Variants in CCDC149 observed in about 807,000 individuals in gnomAD.
CCDC149 encodes the protein coiled-coil domain containing 149.
In CCDC149, 45 loss-of-function variants were observed where a neutral mutation model predicts 59.9. The observed-to-expected ratio is 0.75, with a 90% CI of 0.59 to 0.96. The LOEUF is 0.96. CCDC149 is among the 40% of genes least tolerant of loss of function. The pLI is 0.00. For missense variants in CCDC149, 584 were observed against 664.7 expected (o/e 0.88, Z 1.33); for synonymous variants, 245 against 260.6 (o/e 0.94, Z 0.58).
chr4:24,874,563 CAG>C (rs141431782), intron 2 of CCDC149, among the ~76,000 whole-genome samples: 314 of 152,204 alleles, frequency 2.1e-3, no homozygotes, highest in African/African-American at 7.4e-3. Flanking sequence ...GCCTGGGCAA[CAG>C]AGTGAGACTC....
intron 1 of CCDC149, among the ~76,000 whole-genome samples, chr4:24,952,401 G>A (rs930642328): frequency 1.3e-5 from 2 of 151,426 alleles, no homozygotes; most frequent in Non-Finnish European, 1.5e-5. Context: ...AGACCAGTCT[G>A]GCCAACATGG....
intron 3 of CCDC149, among the ~76,000 whole-genome samples, chr4:24,870,314 T>C (rs145341131): frequency 7.0e-4 from 107 of 152,356 alleles, no homozygotes; most frequent in African/African-American, 2.4e-3. Context: ...AATGAGTACA[T>C]GACAACTTCA....
intron 9 of CCDC149, chr4:24,828,132 C>T (rs924025494): frequency 1.3e-5 from 2 of 151,984 alleles, no homozygotes; most frequent in South Asian, 2.1e-4. Context: ...CAGAGGACCC[C>T]CTAAGTATTA....
At chr4:24,911,767 ATT>A (rs1417992176) in intron 1 of CCDC149, among the ~76,000 whole-genome samples, 7 of 152,238 alleles carry the variant, frequency 4.6e-5, no homozygotes, top group Non-Finnish European at 1.0e-4. Context: ...ATGAAGCACT[ATT>A]ATCAGACTGA....
At chr4:24,935,312 C>A (rs1722706409) in intron 1 of CCDC149, among the ~76,000 whole-genome samples, 1 of 152,030 alleles carries the variant, frequency 6.6e-6, no homozygotes, top group African/African-American at 2.4e-5. Flanking sequence ...ATGGAAAAGA[C>A]ACAAGAAGAG....
chr4:24,858,991 T>C (rs990551277), intron 3 of CCDC149, among the ~76,000 whole-genome samples: 2 of 152,216 alleles, frequency 1.3e-5, no homozygotes, highest in African/African-American at 4.8e-5. Flanking sequence ...CCGCAAAATA[T>C]GTCAGAATGG....
At chr4:24,863,066 G>A (rs1041516617) in intron 3 of CCDC149, among the ~76,000 whole-genome samples, 1 of 152,190 alleles carries the variant, frequency 6.6e-6, no homozygotes. Context: ...GCTGAGGCGG[G>A]AGGATCACCT....
intron 1 of CCDC149, among the ~76,000 whole-genome samples, chr4:24,907,516 A>C (rs1224031233): frequency 6.6e-6 from 1 of 152,144 alleles, no homozygotes; most frequent in African/African-American, 2.4e-5. Context: ...ATTTAAATGG[A>C]GCATCCCAGG....
At chr4:24,952,855 G>GCATCCCCT (rs1723357357) in intron 1 of CCDC149, among the ~76,000 whole-genome samples, 2 of 151,284 alleles carry the variant, frequency 1.3e-5, no homozygotes, top group South Asian at 4.2e-4. Flanking sequence ...CCCATCCCCT[G>GCATCCCCT]GCAACCACCA....
intron 1 of CCDC149, among the ~76,000 whole-genome samples, chr4:24,933,496 T>C (rs575899883): frequency 6.6e-6 from 1 of 152,190 alleles, no homozygotes; most frequent in Non-Finnish European, 1.5e-5. Context: ...TGAGTATAAT[T>C]TTTTGTGGAA....
chr4:24,888,681 T>C (rs1157047556), intron 1 of CCDC149, among the ~76,000 whole-genome samples: 7 of 152,178 alleles, frequency 4.6e-5, no homozygotes, highest in African/African-American at 1.7e-4. Flanking sequence ...CTGATATTCA[T>C]CTTGCTGAAG....
intron 1 of CCDC149, among the ~76,000 whole-genome samples, chr4:24,921,189 A>G (rs950807169): frequency 1.3e-5 from 2 of 152,202 alleles, no homozygotes; most frequent in African/African-American, 2.4e-5. Flanking sequence ...AGGACTTGCC[A>G]TACACCAGGC....
intron 1 of CCDC149, among the ~76,000 whole-genome samples, chr4:24,940,540 T>A (rs1722922736): frequency 6.6e-6 from 1 of 152,154 alleles, no homozygotes; most frequent in Admixed American, 6.5e-5. Flanking sequence ...AATTCACACA[T>A]AACAATATTA....
chr4:24,933,624 G>A (rs1722656861), intron 1 of CCDC149, among the ~76,000 whole-genome samples: 1 of 152,188 alleles, frequency 6.6e-6, no homozygotes, highest in Non-Finnish European at 1.5e-5. Context: ...ACAAGACAAA[G>A]TCCTTTTCCT....
At chr4:24,920,849 A>G (rs1477608999) in intron 1 of CCDC149, among the ~76,000 whole-genome samples, 2 of 152,144 alleles carry the variant, frequency 1.3e-5, no homozygotes, top group Admixed American at 1.3e-4. Flanking sequence ...TTTTTTTTAG[A>G]ACCTACCAGT....
intron 4 of CCDC149, among the ~76,000 whole-genome samples, chr4:24,841,684 T>TG (rs1716948790): frequency 6.6e-6 from 1 of 152,102 alleles, no homozygotes; most frequent in African/African-American, 2.4e-5. Context: ...TGCACTGGAG[T>TG]TGGCCCACCT....
chr4:24,933,388 G>A (rs1722650976), intron 1 of CCDC149, among the ~76,000 whole-genome samples: 3 of 152,056 alleles, frequency 2.0e-5, no homozygotes, highest in South Asian at 4.1e-4. Context: ...AAAAACAAAT[G>A]CCTGGTAAGT....
chr4:24,950,819 C>T (rs1192421979), intron 1 of CCDC149, among the ~76,000 whole-genome samples: 1 of 152,176 alleles, frequency 6.6e-6, no homozygotes, highest in Non-Finnish European at 1.5e-5. Context: ...ATTCAGGGGT[C>T]TGGGGCCTGT....
intron 12 of CCDC149, among the ~76,000 whole-genome samples, chr4:24,812,362 T>C (rs1057155016): frequency 1.3e-5 from 2 of 152,190 alleles, no homozygotes; most frequent in Non-Finnish European, 2.9e-5. Context: ...TTCTCACTCA[T>C]TAGCTATCAC....
Sources: allele counts gnomAD v4.1 joint callset (sites outside exome capture counted in the v4.1 genomes callset), GRCh38; gene constraint gnomAD v4.1.1; transcripts MANE v1.5; gene names NCBI Gene and HGNC (gene_info 2026-07-23, HGNC 2026-07-21).